The following CEP72 variants were observed in gnomAD, a reference collection of about 807,000 sequenced individuals.
CEP72 encodes the protein centrosomal protein 72.
A neutral mutation model predicts 65.7 loss-of-function variants in CEP72; 78 were observed. That is an observed-to-expected ratio of 1.19 (90% confidence interval 0.99 to 1.43). CEP72 has a LOEUF of 1.43. Among genes scored for constraint, CEP72 ranks in the 40% most tolerant of loss-of-function variants. CEP72 has a pLI of 0.00. For synonymous variants in CEP72, 358 were observed against 351.7 expected (o/e 1.02, Z -0.20); for missense variants, 914 against 832.9 (o/e 1.10, Z -1.20).
At chr5:675,491 T>C in the CEP72 span, among the ~76,000 whole-genome samples, 1 of 29,258 alleles carries the variant, frequency 3.4e-5, no homozygotes, top group Non-Finnish European at 5.2e-5. Context: ...CAGGGGTACA[T>C]TGTGGCCGGG....
chr5:645,317 G>A lies in CEP72; in HGVS notation c.1666+892G>A, dbSNP rs755171532. On this transcript the variant is annotated intron_variant, in intron 10 of 11. Transcript: ENST00000264935. The surrounding 1 kb of genome is among the most constrained non-coding windows in gnomAD (Gnocchi z 4.0). Reference sequence around the variant, plus strand: ...TTGGTTTTTATTGGGTTGTTTTATCGAGCGGTAAGAGTTCCTTAGAGTCTT... The same window carrying A: ...TTGGTTTTTATTGGGTTGTTTTATCAAGCGGTAAGAGTTCCTTAGAGTCTT... Among the ~76,000 whole-genome samples the A allele has an allele frequency of 2.5e-4, 38 of 152,022 alleles. No individual in the cohort carries two copies. The highest frequency in any genetic ancestry group is 6.6e-4 in the Admixed American group (10 of 15,264).
intron 10 of CEP72, 107 bp downstream of exon 10, chr5:644,532 GC>G: frequency 1.5e-6 from 2 of 1,339,794 alleles, no homozygotes; most frequent in Non-Finnish European, 2.1e-6. Context: ...AGCAGCAGAC[GC>G]AGTTGGTAAG....
intron 9 of CEP72, chr5:641,984 G>A (rs113276321): frequency 2.3e-6 from 2 of 852,524 alleles, no homozygotes; most frequent in Non-Finnish European, 2.7e-6. Flanking sequence ...CTAGAAGCCT[G>A]TGCATTTAAG....
intron 6 of CEP72, 151 bp from the exon 7 acceptor site, chr5:637,366 G>GT: frequency 1.5e-6 from 1 of 665,932 alleles, no homozygotes; most frequent in Non-Finnish European, 2.6e-6. Flanking sequence ...ATGTATGCAC[G>GT]TGGATAGGTG....
downstream of CEP72, among the ~76,000 whole-genome samples, chr5:658,940 C>T (rs560934171): frequency 2.4e-4 from 37 of 152,244 alleles, no homozygotes; most frequent in Admixed American, 1.4e-3. Context: ...AGTGCTGGGA[C>T]TACAGGTGTG....
At chr5:643,389 G>A (rs1580002503) in intron 9 of CEP72, 12 of 985,324 alleles carry the variant, frequency 1.2e-5, no homozygotes, top group East Asian at 2.3e-4. Flanking sequence ...AGAAGTCCGC[G>A]AAATGAAGAA....
downstream of CEP72, among the ~76,000 whole-genome samples, chr5:671,176 C>T (rs11949493): frequency 4.1e-4 from 63 of 152,172 alleles, no homozygotes; most frequent in African/African-American, 1.5e-3. Flanking sequence ...GCACTGTCTC[C>T]CTCTGGGCGC....
chr5:633,712 T>C, intron 4 of CEP72, 57 bp from the exon 5 acceptor site: 1 of 1,541,092 alleles, frequency 6.5e-7, no homozygotes, highest in Non-Finnish European at 8.9e-7. Flanking sequence ...CTGGTCTGCG[T>C]GGGCCGGAGC....
At chr5:664,265 C>G (rs1312899010) in intron 2 of CEP72, 1 of 152,410 alleles carries the variant, frequency 6.6e-6, no homozygotes, top group African/African-American at 2.4e-5. Flanking sequence ...TGTCTCGGCA[C>G]TTCGTGTCTC....
In CEP72 at chr5:633,683, T is replaced by A. The variant is rs182492329; in HGVS notation, c.513-86T>A. 7.7e-6 allele frequency: 10 copies of A among 1,306,436 alleles called. No individual in the cohort carries two copies. The African/African-American group carries it at 1.2e-4, about 15-fold the overall frequency. 80.9% of individuals were successfully genotyped at this position (1,306,436 alleles called of 1,614,324 possible). ...AGCACGCTGCTTCTCTCAGAGACCG[T>A]GCAGGAATTTTCCTTCTCCTGGTCT... On this transcript the variant is annotated intron_variant, in intron 4 of 11. Coordinates refer to ENST00000264935, the MANE Select transcript of CEP72 (RefSeq NM_018140.4).
At position 624,751 on chromosome 5, in the gene CEP72, C is replaced by G. The variant is rs1202709516; in HGVS notation, c.512+172C>G. Among the ~76,000 whole-genome samples, 2 of 152,196 alleles carry G rather than the reference C, an allele frequency of 1.3e-5. No homozygotes were observed. The highest frequency in any genetic ancestry group is 2.9e-5 in the Non-Finnish European group (2 of 68,034). On this transcript the variant is annotated intron_variant, in intron 4 of 11. Coordinates refer to ENST00000264935, the MANE Select transcript of CEP72 (RefSeq NM_018140.4). This position sits in a 1 kb window ranked among gnomAD's most constrained non-coding sequence, Gnocchi z 4.7. The stretch of plus-strand genomic sequence containing the variant: ...CTCCGTGGACAGTGGGACGGGGCCT[C>G]TCTCCTGTTCTCCACATTCCTAGGA...
At chr5:664,362 AAAGC>A (rs1208832498) in intron 2 of CEP72, 2 of 152,378 alleles carry the variant, frequency 1.3e-5, no homozygotes, top group African/African-American at 4.8e-5. Context: ...TCTTCTCAGG[AAAGC>A]AAAGCGAGCC....
chr5:646,121 T>G (rs1624552), intron 10 of CEP72, among the ~76,000 whole-genome samples: 58,758 of 151,952 alleles, frequency 0.39, 11,511 homozygotes, highest in East Asian at 0.45. Context: ...ATTCGGCTTC[T>G]TTCCACGGCG....
rs1021756972 is a variant in CEP72 at position 635,721 on chromosome 5, G to A, written c.904+137G>A. ...TCCAAGAGCACGGTGCCGGCACCTG[G>A]TGCTGGTCCTCCCATGGCACAGGCA... On this transcript the variant is annotated intron_variant, in intron 6 of 11. Transcript: ENST00000264935. 1.0e-5 allele frequency: 7 copies of A among 678,134 alleles called. No homozygotes were observed. The African/African-American group carries it at 1.3e-4, about 12-fold the overall frequency. The allele number at this position is 678,134 out of a possible 1,614,324, so 42.0% of individuals were successfully genotyped here.
At position 618,913 on chromosome 5, in the gene CEP72, C is replaced by T. The variant is rs996664308; in HGVS notation, c.83-77C>T. On this transcript the variant is annotated intron_variant, in intron 1 of 11. Coordinates refer to ENST00000264935, the MANE Select transcript of CEP72 (RefSeq NM_018140.4). ...TCTGTGTCAGTTTCTACTCCATATCCAACACCAAGAACTTGACCGTTATTA... is the reference window on the plus strand; with the variant it reads ...TCTGTGTCAGTTTCTACTCCATATCTAACACCAAGAACTTGACCGTTATTA... 33 of 1,192,414 alleles carry T rather than the reference C, an allele frequency of 2.8e-5. No individual in the cohort carries two copies. The Admixed American group carries it at 4.7e-4, about 17-fold the overall frequency. 73.9% of individuals were successfully genotyped at this position (1,192,414 alleles called of 1,614,324 possible). A position where few individuals can be genotyped will look rare whatever the true frequency, so the allele number is the denominator to read the frequency against.
At chr5:622,535 C>T (rs899901199) in intron 3 of CEP72, among the ~76,000 whole-genome samples, 1 of 152,284 alleles carries the variant, frequency 6.6e-6, no homozygotes, top group Non-Finnish European at 1.5e-5. Flanking sequence ...GACCCTGGCT[C>T]ACCCACTCAT....
intron 9 of CEP72, chr5:641,355 G>A (rs1489037648): frequency 3.0e-6 from 3 of 985,328 alleles, no homozygotes; most frequent in African/African-American, 1.7e-5. Flanking sequence ...GCAGAGCCAC[G>A]TGAGGATGTG....
chr5:622,805 TTAATTA>T (rs1323630408), intron 3 of CEP72, among the ~76,000 whole-genome samples: 1 of 152,198 alleles, frequency 6.6e-6, no homozygotes, highest in Non-Finnish European at 1.5e-5. Flanking sequence ...ATTTCGCTGT[TTAATTA>T]TAAGAGGTTT....
intron 9 of CEP72, chr5:642,928 G>T: frequency 1.0e-6 from 1 of 985,472 alleles, no homozygotes; most frequent in Non-Finnish European, 1.2e-6. Context: ...GCTGCAGTCG[G>T]GTGTCCTGAG....
Sources: allele counts gnomAD v4.1 joint callset (sites outside exome capture counted in the v4.1 genomes callset), GRCh38; gene constraint gnomAD v4.1.1; non-coding constraint Gnocchi (gnomAD v3.1); transcripts MANE v1.5; gene names NCBI Gene and HGNC (gene_info 2026-07-23, HGNC 2026-07-21).